Variants in CORO2B observed in about 807,000 individuals in gnomAD.
CORO2B encodes coronin-2B.
CORO2B carries 26 observed loss-of-function variants against 58.8 expected under a neutral mutation model. That is an observed-to-expected ratio of 0.44 (90% confidence interval 0.32 to 0.61). CORO2B has a LOEUF of 0.61. Ranked by LOEUF, CORO2B falls within the 20% of genes least tolerant of loss-of-function variation. CORO2B has a pLI of 0.04. For synonymous variants in CORO2B, 242 were observed against 253.8 expected (o/e 0.95, Z 0.44); for missense variants, 460 against 645.1 (o/e 0.71, Z 3.11).
At chr15:68,702,825 T>TTC (rs1403644724) in intron 3 of CORO2B, among the ~76,000 whole-genome samples, 2 of 137,340 alleles carry the variant, frequency 1.5e-5, no homozygotes, top group Non-Finnish European at 3.2e-5. Context: ...CTTTTTCTTT[T>TTC]TTTTTTTTTT....
intron 1 of CORO2B, among the ~76,000 whole-genome samples, chr15:68,601,543 G>A (rs1194111923): frequency 6.6e-6 from 1 of 152,216 alleles, no homozygotes; most frequent in African/African-American, 2.4e-5. Flanking sequence ...GTGCCTGTGG[G>A]GGCCTGGAGG....
At chr15:68,706,377 C>T (rs1892785463) in intron 3 of CORO2B, among the ~76,000 whole-genome samples, 1 of 152,234 alleles carries the variant, frequency 6.6e-6, no homozygotes, top group African/African-American at 2.4e-5. Flanking sequence ...TCTGTGCCCC[C>T]ACAGGCTCTC....
the CORO2B span, among the ~76,000 whole-genome samples, chr15:68,544,956 T>C: frequency 4.6e-5 from 7 of 152,274 alleles, no homozygotes; most frequent in South Asian, 1.5e-3. Flanking sequence ...TTTGTATTTT[T>C]AGTACAGACG....
At chr15:68,580,859 G>A (rs542477152) in intron 1 of CORO2B, among the ~76,000 whole-genome samples, 1 of 152,274 alleles carries the variant, frequency 6.6e-6, no homozygotes, top group Non-Finnish European at 1.5e-5. Flanking sequence ...AGCTCATGCA[G>A]CCTTCCTTCC....
intron 2 of CORO2B, among the ~76,000 whole-genome samples, chr15:68,649,584 A>C (rs1056453448): frequency 3.9e-5 from 6 of 152,206 alleles, no homozygotes; most frequent in Non-Finnish European, 8.8e-5. Flanking sequence ...AGGATCCCAA[A>C]GAACTTTTGT....
At chr15:68,657,351 T>C (rs1901841143) in intron 2 of CORO2B, among the ~76,000 whole-genome samples, 2 of 151,848 alleles carry the variant, frequency 1.3e-5, no homozygotes, top group African/African-American at 4.8e-5. Context: ...ACACCATCTC[T>C]ACGAAATACA....
At chr15:68,695,470 G>A (rs1892488613) in intron 3 of CORO2B, among the ~76,000 whole-genome samples, 1 of 152,202 alleles carries the variant, frequency 6.6e-6, no homozygotes, top group Non-Finnish European at 1.5e-5. Flanking sequence ...TGTGTTTTCA[G>A]TGTGATTGAG....
chr15:68,670,033 G>A (rs1304998974), intron 2 of CORO2B, among the ~76,000 whole-genome samples: 2 of 151,136 alleles, frequency 1.3e-5, no homozygotes, highest in East Asian at 3.9e-4. Context: ...CTCTAGCCTG[G>A]GTGACAGAGC....
rs1446080275 is a variant in CORO2B at position 68,639,685 on chromosome 15, C to G, written c.16-5475C>G. Reference sequence around the variant, plus strand: ...AGGTCATCCACCTAAATCTTGAACCCCCCCAGGGATGGGAAGCTGACTACC... The same window carrying G: ...AGGTCATCCACCTAAATCTTGAACCGCCCCAGGGATGGGAAGCTGACTACC... On this transcript the variant is annotated intron_variant, in intron 1 of 11. Transcript: ENST00000261861. 2.6e-5 allele frequency among the ~76,000 whole-genome samples: 4 copies of G among 152,348 alleles called. No homozygotes were observed. The East Asian group carries it at 7.7e-4, about 29-fold the overall frequency.
At chr15:68,545,608 G>T in the CORO2B span, among the ~76,000 whole-genome samples, 10 of 130,712 alleles carry the variant, frequency 7.7e-5, no homozygotes, top group African/African-American at 2.3e-4. Context: ...AGGAATGCGG[G>T]GGGCGGGGGG....
At chr15:68,695,098 C>A in intron 2 of CORO2B, 42 bp from the exon 3 acceptor site, 1 of 1,539,512 alleles carries the variant, frequency 6.5e-7, no homozygotes. Flanking sequence ...CCAGGGCCAT[C>A]AAACTAATCT....
intron 3 of CORO2B, among the ~76,000 whole-genome samples, chr15:68,708,537 ATT>A (rs372309594): frequency 1.3e-5 from 2 of 149,006 alleles, no homozygotes; most frequent in East Asian, 2.0e-4. Context: ...ATTTTTTTGT[ATT>A]TTTTTAGTAG....
intron 1 of CORO2B, among the ~76,000 whole-genome samples, chr15:68,633,510 A>AACACAC (rs1322123149): frequency 5.8e-5 from 3 of 51,756 alleles, no homozygotes; most frequent in African/African-American, 2.5e-4. Context: ...TGGTTACTCC[A>AACACAC]ACATACACAC....
chr15:68,627,115 A>G (rs1566988961), intron 1 of CORO2B, among the ~76,000 whole-genome samples: 2 of 152,264 alleles, frequency 1.3e-5, no homozygotes, highest in Non-Finnish European at 2.9e-5. Context: ...ATTCATGAGG[A>G]TAATGAGGAC....
rs1051401789 is a variant in CORO2B at position 68,579,170 on chromosome 15, G to A, written c.-93G>A. 1.5e-5 allele frequency: 15 copies of A among 981,590 alleles called. No homozygotes were observed. The highest frequency in any genetic ancestry group is 7.1e-5 in the African/African-American group (4 of 56,544). The allele number at this position is 981,590 out of a possible 1,614,324, so 60.8% of individuals were successfully genotyped here. A position where few individuals can be genotyped will look rare whatever the true frequency, so the allele number is the denominator to read the frequency against. ...CGGCGGGGCGCGGGGAGCGAGCCGGGAGCTGCCGGACCCCCTTCCGCCGCC... is the reference window on the plus strand; with the variant it reads ...CGGCGGGGCGCGGGGAGCGAGCCGGAAGCTGCCGGACCCCCTTCCGCCGCC... On this transcript the variant is annotated 5_prime_UTR_variant, in exon 1 of 12. Coordinates refer to ENST00000261861, the MANE Select transcript of CORO2B (RefSeq NM_006091.5).
intron 1 of CORO2B, among the ~76,000 whole-genome samples, chr15:68,639,473 CA>C (rs1394418185): frequency 6.6e-6 from 1 of 152,230 alleles, no homozygotes; most frequent in Non-Finnish European, 1.5e-5. Flanking sequence ...AGGGTCACAG[CA>C]ACCCAACTGG....
intron 3 of CORO2B, among the ~76,000 whole-genome samples, chr15:68,706,346 G>A (rs1162200584): frequency 6.6e-6 from 1 of 152,060 alleles, no homozygotes; most frequent in Non-Finnish European, 1.5e-5. Context: ...CCTAACAGCT[G>A]GGTTCAAGCT....
intron 1 of CORO2B, among the ~76,000 whole-genome samples, chr15:68,620,401 G>T (rs918881589): frequency 9.2e-5 from 14 of 152,156 alleles, no homozygotes; most frequent in African/African-American, 3.1e-4. Context: ...GAACATGTTG[G>T]CAGTGATACA....
At chr15:68,632,339 C>G (rs1462949584) in intron 1 of CORO2B, 1 of 985,300 alleles carries the variant, frequency 1.0e-6, no homozygotes. Flanking sequence ...GGAGCCCCAC[C>G]TGGTAGGTAG....
Sources: gnomAD v4.1 joint callset for allele counts (sites outside exome capture counted in the v4.1 genomes callset) on GRCh38, gnomAD v4.1.1 for gene constraint, MANE v1.5 for transcripts, NCBI Gene and HGNC (gene_info 2026-07-23, HGNC 2026-07-21) for gene names.